TBCK: variants seen among roughly 807,000 people sequenced by gnomAD.
TBCK encodes the protein TBC domain-containing protein kinase-like protein.
A neutral mutation model predicts 113.4 loss-of-function variants in TBCK; 99 were observed. The observed-to-expected ratio is 0.87, with a 90% CI of 0.74 to 1.03. The LOEUF (loss-of-function observed/expected upper bound fraction) is 1.03. Ranked by LOEUF, TBCK falls within the 50% of genes least tolerant of loss-of-function variation. The pLI, the probability that TBCK is intolerant of heterozygous loss-of-function variation, is 0.00. For missense variants in TBCK, 1,045 were observed against 1,061.3 expected, an observed-to-expected ratio of 0.98 and a Z score of 0.21; for synonymous variants, 369 against 370.8, an observed-to-expected ratio of 1.00 and a Z score of 0.05.
chr4:106,224,720 C>A (rs1290100620), intron 19 of TBCK, among the ~76,000 whole-genome samples: 1 of 152,154 alleles, frequency 6.6e-6, no homozygotes, highest in African/African-American at 2.4e-5. Flanking sequence ...CTCTTTCCTA[C>A]CCGACAGATC....
At chr4:106,156,501 C>T (rs187979807) in intron 23 of TBCK, among the ~76,000 whole-genome samples, 78 of 152,222 alleles carry the variant, frequency 5.1e-4, no homozygotes, top group Admixed American at 1.2e-3. Context: ...GTGCCATCTG[C>T]GAGCCAGGGA....
intron 22 of TBCK, among the ~76,000 whole-genome samples, chr4:106,177,483 T>C (rs1276594116): frequency 6.6e-6 from 1 of 151,996 alleles, no homozygotes; most frequent in African/African-American, 2.4e-5. Flanking sequence ...AAGTCTTTAA[T>C]AAAGTTTGAT....
chr4:106,127,832 T>G (rs1426202681), intron 23 of TBCK, among the ~76,000 whole-genome samples: 1 of 152,162 alleles, frequency 6.6e-6, no homozygotes, highest in African/African-American at 2.4e-5. Context: ...TTTCAAAGTA[T>G]AGGGAATTCT....
At chr4:106,071,483 T>C (rs1009748458) in intron 25 of TBCK, among the ~76,000 whole-genome samples, 2 of 152,206 alleles carry the variant, frequency 1.3e-5, no homozygotes, top group African/African-American at 4.8e-5. Flanking sequence ...TAATTTCTGT[T>C]CTTTTGCATT....
chr4:106,188,519 T>A (rs1290109521), intron 22 of TBCK, among the ~76,000 whole-genome samples: 1 of 152,146 alleles, frequency 6.6e-6, no homozygotes, highest in East Asian at 1.9e-4. Context: ...ATAAGATAAT[T>A]TTTGGACTGC....
chr4:106,228,135 G>A (rs1056467219), intron 19 of TBCK, among the ~76,000 whole-genome samples: 11 of 151,802 alleles, frequency 7.2e-5, no homozygotes, highest in African/African-American at 1.5e-4. Flanking sequence ...ATATATTTAT[G>A]GGGTAAATGA....
intron 25 of TBCK, among the ~76,000 whole-genome samples, chr4:106,059,723 T>C (rs1357283337): frequency 6.6e-6 from 1 of 151,786 alleles, no homozygotes; most frequent in East Asian, 1.9e-4. Flanking sequence ...CACATAATTT[T>C]CACTTTAAAT....
intron 24 of TBCK, among the ~76,000 whole-genome samples, chr4:106,108,866 G>C (rs1742498311): frequency 6.7e-6 from 1 of 149,400 alleles, no homozygotes; most frequent in African/African-American, 2.6e-5. Flanking sequence ...ATGCAGTCTT[G>C]ACCCAAAAGC....
At chr4:106,245,691 C>T (rs1157687078) in intron 10 of TBCK, among the ~76,000 whole-genome samples, 2 of 152,020 alleles carry the variant, frequency 1.3e-5, no homozygotes, top group Non-Finnish European at 2.9e-5. Context: ...CTAAAAGTGG[C>T]TTATATAATA....
chr4:106,286,628 A>G (rs1196158456), intron 3 of TBCK, among the ~76,000 whole-genome samples: 2 of 152,142 alleles, frequency 1.3e-5, no homozygotes, highest in Non-Finnish European at 1.5e-5. Flanking sequence ...GGAGTTCAAC[A>G]CCAGCCTAGG....
intron 23 of TBCK, among the ~76,000 whole-genome samples, chr4:106,132,523 G>T (rs1356876074): frequency 6.6e-6 from 1 of 152,252 alleles, no homozygotes; most frequent in Non-Finnish European, 1.5e-5. Flanking sequence ...GCAAAAGTTT[G>T]CTGCTGGGGC....
chr4:106,060,376 A>G (rs920277136), intron 25 of TBCK, among the ~76,000 whole-genome samples: 9 of 151,676 alleles, frequency 5.9e-5, no homozygotes, highest in Admixed American at 2.0e-4. Flanking sequence ...ATACTCACTG[A>G]CCATTCCAAA....
intron 24 of TBCK, among the ~76,000 whole-genome samples, chr4:106,104,199 G>C (rs536691922): frequency 5.9e-5 from 9 of 152,314 alleles, no homozygotes; most frequent in Non-Finnish European, 1.3e-4. Context: ...GTAGGAAAGA[G>C]GCCGAATCCA....
chr4:106,145,070 A>C (rs1219634694), intron 23 of TBCK, among the ~76,000 whole-genome samples: 1 of 150,476 alleles, frequency 6.6e-6, no homozygotes, highest in African/African-American at 2.4e-5. Context: ...CTGTAATCCC[A>C]GCACTTTGGG....
At chr4:106,224,465 T>A (rs1758020816) in intron 19 of TBCK, among the ~76,000 whole-genome samples, 1 of 152,104 alleles carries the variant, frequency 6.6e-6, no homozygotes, top group Admixed American at 6.5e-5. Flanking sequence ...TTCCCAAAAT[T>A]TGTGGAGAAG....
At chr4:106,108,635 A>C (rs1490505200) in intron 24 of TBCK, among the ~76,000 whole-genome samples, 1 of 152,196 alleles carries the variant, frequency 6.6e-6, no homozygotes, top group Non-Finnish European at 1.5e-5. Flanking sequence ...ATCTATGACA[A>C]AACCACAGTC....
At chr4:106,208,337 T>A (rs1755761402) in intron 20 of TBCK, among the ~76,000 whole-genome samples, 1 of 152,058 alleles carries the variant, frequency 6.6e-6, no homozygotes, top group African/African-American at 2.4e-5. Context: ...TCCCTACCAT[T>A]CACCTATTTT....
intron 23 of TBCK, among the ~76,000 whole-genome samples, chr4:106,121,537 A>G (rs1744378065): frequency 1.3e-5 from 2 of 151,664 alleles, no homozygotes; most frequent in South Asian, 2.1e-4. Context: ...ATAGACATCT[A>G]CAGAACTCTC....
At chr4:106,272,325 A>C (rs1763576675) in intron 3 of TBCK, among the ~76,000 whole-genome samples, 1 of 152,068 alleles carries the variant, frequency 6.6e-6, no homozygotes, top group African/African-American at 2.4e-5. Flanking sequence ...TCCGTGCTAC[A>C]TACGTTTCTT....
Sources: gnomAD v4.1 joint callset for allele counts (sites outside exome capture counted in the v4.1 genomes callset) on GRCh38, gnomAD v4.1.1 for gene constraint, MANE v1.5 for transcripts, NCBI Gene and HGNC (gene_info 2026-07-23, HGNC 2026-07-21) for gene names.